The following AQP9 variants were observed in gnomAD, a reference collection of about 807,000 sequenced individuals.
AQP9 encodes aquaporin 9, also known as aquaporin-9.
A neutral mutation model predicts 23.8 loss-of-function variants in AQP9; 19 were observed. That is an observed-to-expected ratio of 0.80 (90% CI 0.56 to 1.17). The LOEUF (loss-of-function observed/expected upper bound fraction) is 1.17, where lower values mean the gene tolerates loss of function less well. Among genes scored for constraint, AQP9 ranks in the 50% most tolerant of loss-of-function variants. The probability of loss-of-function intolerance (pLI) is 0.00; values close to 1 mark genes in which losing one functional copy is unlikely to be tolerated. For synonymous variants in AQP9, 153 were observed against 131.5 expected (o/e 1.16, Z -1.12); for missense variants, 413 against 362.0 (o/e 1.14, Z -1.14).
intron 1 of AQP9, among the ~76,000 whole-genome samples, chr15:58,145,503 T>C (rs866774923): frequency 1.1e-4 from 17 of 150,292 alleles, no homozygotes; most frequent in Middle Eastern, 3.4e-3. Context: ...AAAAAAAAAA[T>C]TACCCATATA....
chr15:58,140,338 C>G (rs1346929589), intron 1 of AQP9, among the ~76,000 whole-genome samples: 1 of 151,996 alleles, frequency 6.6e-6, no homozygotes, highest in Non-Finnish European at 1.5e-5. Flanking sequence ...CTTGTGTCTT[C>G]CCCACTATGC....
intron 1 of AQP9, chr15:58,152,561 T>C (rs1566982417): frequency 6.6e-6 from 1 of 152,170 alleles, no homozygotes; most frequent in Non-Finnish European, 1.5e-5. Context: ...AACAGAAGTC[T>C]GAAACTTCTT....
intron 2 of AQP9, among the ~76,000 whole-genome samples, chr15:58,168,282 C>T (rs1176700880): frequency 2.0e-5 from 3 of 151,798 alleles, no homozygotes; most frequent in African/African-American, 7.3e-5. Context: ...CCACTTGCCT[C>T]AGCCTCCCAA....
intron 2 of AQP9, 120 bp downstream of exon 2, chr15:58,166,919 A>G: frequency 7.9e-7 from 1 of 1,271,730 alleles, no homozygotes; most frequent in Non-Finnish European, 1.0e-6. Context: ...AAGAGTGTGT[A>G]TTGGATCCCA....
chr15:58,162,788 G>T (rs1171592363), intron 1 of AQP9, among the ~76,000 whole-genome samples: 1 of 152,174 alleles, frequency 6.6e-6, no homozygotes, highest in African/African-American at 2.4e-5. Flanking sequence ...ACCGTGAGAT[G>T]CATGAATATG....
At chr15:58,179,476 G>A in intron 5 of AQP9, 131 bp downstream of exon 5, 2 of 729,210 alleles carry the variant, frequency 2.7e-6, no homozygotes, top group South Asian at 3.6e-5. Flanking sequence ...CTGGTCATAA[G>A]CATGAGACAT....
At chr15:58,173,493 T>A (rs931345363) in intron 3 of AQP9, among the ~76,000 whole-genome samples, 21 of 152,266 alleles carry the variant, frequency 1.4e-4, no homozygotes, top group African/African-American at 4.8e-4. Flanking sequence ...AGTAGGCCAG[T>A]GGCTTCCCCA....
Position 58,179,124 on chromosome 15 carries a change from C to T in AQP9, c.496-4C>T, listed in dbSNP as rs546371358. On this transcript the variant is annotated splice_polypyrimidine_tract_variant and splice_region_variant and intron_variant, in intron 4 of 5. Transcript: ENST00000219919. The stretch of plus-strand genomic sequence containing the variant: ...AAGCCCTGGCTCAACTTCTCCCTCT[C>T]CAGGTGGTGGCCACCATGATACTCC... 6 of 1,602,546 alleles carry T rather than the reference C, an allele frequency of 3.7e-6. No individual in the cohort carries two copies. The South Asian group carries it at 5.5e-5, about 15-fold the overall frequency.
intron 3 of AQP9, 92 bp downstream of exon 3, chr15:58,173,297 G>T: frequency 6.5e-7 from 1 of 1,545,472 alleles, no homozygotes; most frequent in South Asian, 1.2e-5. Context: ...GAAAAAGCAA[G>T]GACGGGAAGC....
chr15:58,145,053 A>G (rs1227004005), intron 1 of AQP9, among the ~76,000 whole-genome samples: 1 of 151,086 alleles, frequency 6.6e-6, no homozygotes, highest in Admixed American at 6.6e-5. Context: ...AAAAAACTCT[A>G]CTATACCTGA....
At chr15:58,140,483 C>T (rs1167343925) in intron 1 of AQP9, among the ~76,000 whole-genome samples, 3 of 152,188 alleles carry the variant, frequency 2.0e-5, no homozygotes, top group Admixed American at 2.0e-4. Context: ...CTAAAGTGAA[C>T]CCTAATAAAA....
At chr15:58,166,549 T>C in intron 1 of AQP9, 124 bp from the exon 2 acceptor site, 1 of 1,271,622 alleles carries the variant, frequency 7.9e-7, no homozygotes, top group South Asian at 1.6e-5. Context: ...TATAATTTGA[T>C]TTGTATAAAA....
intron 1 of AQP9, among the ~76,000 whole-genome samples, chr15:58,165,655 A>AT (rs1182882646): frequency 6.6e-6 from 1 of 151,492 alleles, no homozygotes; most frequent in Non-Finnish European, 1.5e-5. Flanking sequence ...CCTTTATTCT[A>AT]TTTTTTTGTT....
At chr15:58,173,003 T>C (rs1443897882) in intron 2 of AQP9, 65 bp from the exon 3 acceptor site, 12 of 1,597,798 alleles carry the variant, frequency 7.5e-6, no homozygotes, top group African/African-American at 6.7e-5. Flanking sequence ...CTGAGGTCTC[T>C]AGATGGTTTT....
In AQP9 at chr15:58,169,033, T is replaced by C. The variant is rs779397598; in HGVS notation, c.238+2234T>C. On this transcript the variant is annotated intron_variant, in intron 2 of 5. Transcript: ENST00000219919. ...TGCAATCCATATCTGATTCTGTCCA[T>C]TGATATACCTGGGGATTTCTGCAGT... Among the ~76,000 whole-genome samples, 4 of 152,154 alleles carry C rather than the reference T, an allele frequency of 2.6e-5. No individual in the cohort carries two copies. In the East Asian group the frequency reaches 7.7e-4, roughly 29 times the overall value.
At chr15:58,177,341 CAAGT>C (rs1898781108) in intron 4 of AQP9, among the ~76,000 whole-genome samples, 1 of 152,112 alleles carries the variant, frequency 6.6e-6, no homozygotes, top group African/African-American at 2.4e-5. Context: ...CTCAATCTAA[CAAGT>C]AAGTAGATAC....
At chr15:58,152,397 C>T (rs1241168429) in intron 1 of AQP9, 1 of 152,156 alleles carries the variant, frequency 6.6e-6, no homozygotes, top group Non-Finnish European at 1.5e-5. Context: ...TTGTGTATTA[C>T]ATTAACAGTA....
At chr15:58,183,861 A>G in intron 5 of AQP9, 100 bp from the exon 6 acceptor site, 1 of 1,352,522 alleles carries the variant, frequency 7.4e-7, no homozygotes, top group Non-Finnish European at 1.0e-6. Context: ...TTAAGAGGGA[A>G]CCATGAGTGT....
intron 5 of AQP9, among the ~76,000 whole-genome samples, chr15:58,180,864 T>A (rs8042354): frequency 0.21 from 32,627 of 152,206 alleles, 3,846 homozygotes; most frequent in Middle Eastern, 0.32. Flanking sequence ...AATTCTCTCC[T>A]AGAATGATCA....
Sources: allele counts gnomAD v4.1 joint callset (sites outside exome capture counted in the v4.1 genomes callset), GRCh38; gene constraint gnomAD v4.1.1; transcripts MANE v1.5; gene names NCBI Gene and HGNC (gene_info 2026-07-23, HGNC 2026-07-21).